The following DCT variants were observed in gnomAD, a reference collection of about 807,000 sequenced individuals.
The protein encoded by DCT is L-dopachrome tautomerase.
DCT carries 47 observed loss-of-function variants against 53.0 expected under a neutral mutation model. The ratio of observed to expected loss-of-function variants is 0.89; its 90% CI spans 0.70 to 1.13. The LOEUF (loss-of-function observed/expected upper bound fraction) is 1.13. DCT is among the 50% of genes most tolerant of loss of function. The probability of loss-of-function intolerance (pLI) is 0.00; values close to 1 mark genes in which losing one functional copy is unlikely to be tolerated. For synonymous variants in DCT, 244 were observed against 237.0 expected, an observed-to-expected ratio of 1.03 and a Z score of -0.27; for missense variants, 669 against 637.4, an observed-to-expected ratio of 1.05 and a Z score of -0.53.
chr13:94,489,487 A>G, the DCT span, among the ~76,000 whole-genome samples: 1 of 152,230 alleles, frequency 6.6e-6, no homozygotes, highest in Non-Finnish European at 1.5e-5. Flanking sequence ...AGGATTAGAT[A>G]TGGCATTGGA....
In DCT at chr13:94,445,719, C is replaced by A; in HGVS notation, c.1180-2082G>T. The A allele has an allele frequency of 1.3e-6, 2 of 1,583,786 alleles. No individual in the cohort carries two copies. The highest frequency in any genetic ancestry group is 4.6e-5 in the East Asian group (2 of 43,918). ...TAGAGCCTCCCAGGCTCATGGTTAC[C>A]AGCACATGCAGGGAAGGGAGTTCCT... On this transcript the variant is annotated intron_variant, in intron 6 of 7. Transcript: ENST00000377028.
In DCT at chr13:94,439,911, G is replaced by C. The variant is rs1882157543; in HGVS notation, c.1547C>G (p.Thr516Arg). The C allele has an allele frequency of 6.2e-7, 1 of 1,613,590 alleles. No homozygotes were observed. Among genetic ancestry groups the C allele is most frequent in the Non-Finnish European group, 8.5e-7 (1 of 1,179,780 alleles). The change falls in exon 8 of 8, where the codon ACA (threonine) becomes AGA (arginine). Residue 516 changes from threonine to arginine, a missense_variant. Physicochemically the swap from Thr to Arg is moderately conservative, Grantham distance 71. Transcript: ENST00000377028. ...GGCATGAGCACCCTAGGCTTCTTCTGTGTATCTCTTGCTGCTTAAATGTGT... is the reference window on the plus strand; with the variant it reads ...GGCATGAGCACCCTAGGCTTCTTCTCTGTATCTCTTGCTGCTTAAATGTGT... Reference protein sequence around the residue: ...METHLSSKRYTEEA With the variant: ...METHLSSKRYREEA
intron 4 of DCT, chr13:94,465,348 A>T (rs1438325936): frequency 4.6e-6 from 1 of 215,830 alleles, no homozygotes; most frequent in African/African-American, 2.3e-5. Context: ...ATTACTTTTA[A>T]AGGCAAAAAC....
chr13:94,501,200 C>T, the DCT span, among the ~76,000 whole-genome samples: 1 of 152,032 alleles, frequency 6.6e-6, no homozygotes, highest in Non-Finnish European at 1.5e-5. Flanking sequence ...ACCCGGGAGG[C>T]GGAGCTTGCA....
Position 94,468,767 on chromosome 13 carries a change from A to T in DCT, c.574T>A (p.Ser192Thr). The T allele has an allele frequency of 6.2e-7, 1 of 1,614,128 alleles. No homozygotes were observed. ...CCACCTAATAATGTATCTCTAACAG[A>T]ATAATAATGGAGCCACACAAAAAAA... ...YDFFVWLHYY[S>T]VRDTLLGPGR... Residue 192 changes from serine (S) to threonine (T), a missense_variant, in exon 2 of 8, where the codon TCT (serine) becomes ACT (threonine). By Grantham distance (58) the Ser-to-Thr change is moderately conservative (BLOSUM62 1). Coordinates refer to ENST00000377028, the MANE Select transcript of DCT (RefSeq NM_001922.5).
upstream of DCT, among the ~76,000 whole-genome samples, chr13:94,483,666 T>C (rs1414173213): frequency 6.6e-6 from 1 of 152,106 alleles, no homozygotes. Context: ...CACATCTGGC[T>C]AATTTTTGTA....
the DCT span, among the ~76,000 whole-genome samples, chr13:94,517,839 A>T: frequency 2.0e-5 from 3 of 152,216 alleles, no homozygotes; most frequent in Admixed American, 6.5e-5. Flanking sequence ...AAATTTAAAA[A>T]TTTTTTAAAG....
the DCT span, among the ~76,000 whole-genome samples, chr13:94,492,190 G>A: frequency 1.3e-5 from 2 of 152,188 alleles, no homozygotes; most frequent in African/African-American, 4.8e-5. Flanking sequence ...TACATAGAAA[G>A]TGCTCAGTAT....
At chr13:94,534,589 G>C in the DCT span, among the ~76,000 whole-genome samples, 1 of 152,258 alleles carries the variant, frequency 6.6e-6, no homozygotes, top group Non-Finnish European at 1.5e-5. Context: ...GGATACTAGA[G>C]AGTGGCCATA....
chr13:94,477,107 A>G (rs185606068), intron 1 of DCT, among the ~76,000 whole-genome samples: 1 of 151,898 alleles, frequency 6.6e-6, no homozygotes, highest in African/African-American at 2.4e-5. Flanking sequence ...TTATTTATTT[A>G]TTTTTTTGAG....
chr13:94,449,836 G>T (rs1168249560), intron 6 of DCT, among the ~76,000 whole-genome samples: 1 of 150,952 alleles, frequency 6.6e-6, no homozygotes, highest in Non-Finnish European at 1.5e-5. Context: ...TAATAGGCAT[G>T]AAATAGTTAA....
chr13:94,438,683 T>C lies in DCT; in HGVS notation c.*1215A>G. Reference sequence around the variant, plus strand: ...ATTAACTTCTCTGAAGTGGGGTCCATCATGATAAGTCTGAACATCGTAGTA... The same window carrying C: ...ATTAACTTCTCTGAAGTGGGGTCCACCATGATAAGTCTGAACATCGTAGTA... On this transcript the variant is annotated 3_prime_UTR_variant, in exon 8 of 8. Transcript: ENST00000377028. The C allele has an allele frequency of 2.2e-6, 1 of 455,822 alleles. No homozygotes were observed. Among genetic ancestry groups the C allele is most frequent in the Middle Eastern group, 3.3e-4 (1 of 3,068 alleles). The allele number at this position is 455,822 out of a possible 1,614,324, so 28.2% of individuals were successfully genotyped here.
rs1882142469 is a variant in DCT, at chr13:94,439,739, C to A, written c.*159G>T. On this transcript the variant is annotated 3_prime_UTR_variant, in exon 8 of 8. Transcript: ENST00000377028. ...GTTAAACAAGCAAGCAAAGCGGAAA[C>A]TACAGCTAAGCATCTTCTGAATGAG... 1 of 526,044 alleles carries A rather than the reference C, an allele frequency of 1.9e-6. No individual in the cohort carries two copies. Among genetic ancestry groups the A allele is most frequent in the Non-Finnish European group, 3.2e-6 (1 of 311,784 alleles). The allele number at this position is 526,044 out of a possible 1,614,324, so 32.6% of individuals were successfully genotyped here. A position where few individuals can be genotyped will look rare whatever the true frequency, so the allele number is the denominator to read the frequency against.
At chr13:94,516,297 G>A in the DCT span, among the ~76,000 whole-genome samples, 2 of 152,090 alleles carry the variant, frequency 1.3e-5, no homozygotes, top group South Asian at 2.1e-4. Context: ...GCTTGAGGAG[G>A]AAAGATACAA....
Position 94,438,598 on chromosome 13 carries a change from C to T in DCT, c.*1300G>A. The T allele has an allele frequency of 2.2e-6, 1 of 455,994 alleles. No individual in the cohort carries two copies. The highest frequency in any genetic ancestry group is 3.3e-4 in the Middle Eastern group (1 of 3,070). The allele number at this position is 455,994 out of a possible 1,614,324, so 28.2% of individuals were successfully genotyped here. On this transcript the variant is annotated 3_prime_UTR_variant, in exon 8 of 8. Coordinates refer to ENST00000377028, the MANE Select transcript of DCT (RefSeq NM_001922.5). ...GCCACGCCCTAGAACTTCAGTCTCACTCCTGATGCACAGAAACCAGATATG... is the reference window on the plus strand; with the variant it reads ...GCCACGCCCTAGAACTTCAGTCTCATTCCTGATGCACAGAAACCAGATATG...
the DCT span, among the ~76,000 whole-genome samples, chr13:94,507,662 G>A: frequency 7.2e-5 from 11 of 151,954 alleles, no homozygotes; most frequent in Non-Finnish European, 1.5e-4. Context: ...CACCATGCCC[G>A]GCTAATTTTT....
chr13:94,498,171 T>C, the DCT span, among the ~76,000 whole-genome samples: 2 of 152,160 alleles, frequency 1.3e-5, no homozygotes, highest in Admixed American at 6.5e-5. Context: ...GGATAAAATA[T>C]GTGAGGAAAC....
the DCT span, among the ~76,000 whole-genome samples, chr13:94,522,365 T>C: frequency 1.3e-5 from 2 of 152,200 alleles, no homozygotes; most frequent in African/African-American, 4.8e-5. Flanking sequence ...GGATGCTTCC[T>C]GCCCTCGAAC....
In DCT at chr13:94,443,632, A is replaced by G. The variant is rs773768920; in HGVS notation, c.1185T>C (p.Leu395=). 6.2e-7 allele frequency: 1 copy of G among 1,612,994 alleles called. No homozygotes were observed. Among genetic ancestry groups the G allele is most frequent in the South Asian group, 1.1e-5 (1 of 91,044 alleles). ...CAAAGATGGCATCAGTAAAGGAATGAAGAACCTGCAAAACAGTTGGACACA... is the reference window on the plus strand; with the variant it reads ...CAAAGATGGCATCAGTAAAGGAATGGAGAACCTGCAAAACAGTTGGACACA... ...SAANDPIFVV[L]HSFTDAIFDE... The change falls in exon 7 of 8, where the codon CTT becomes CTC. Residue 395 remains leucine (L), a synonymous_variant. Transcript: ENST00000377028.
Sources: allele counts gnomAD v4.1 joint callset (sites outside exome capture counted in the v4.1 genomes callset), GRCh38; gene constraint gnomAD v4.1.1; transcripts MANE v1.5; gene names NCBI Gene and HGNC (gene_info 2026-07-23, HGNC 2026-07-21).